OBI1: variants seen among roughly 807,000 people sequenced by gnomAD.
OBI1 encodes ring finger protein 219.
A neutral mutation model predicts 62.4 loss-of-function variants in OBI1; 59 were observed. The observed-to-expected ratio is 0.95, with a 90% confidence interval of 0.77 to 1.17. The LOEUF (loss-of-function observed/expected upper bound fraction) is 1.17, where lower values mean the gene tolerates loss of function less well. Among genes scored for constraint, OBI1 ranks in the 50% most tolerant of loss-of-function variants. The pLI is 0.00. For missense variants in OBI1, 875 were observed against 830.9 expected (o/e 1.05, Z -0.65); for synonymous variants, 302 against 292.8 (o/e 1.03, Z -0.32).
At chr13:78,617,184 G>A in intron 5 of OBI1, 62 bp from the exon 6 acceptor site, 1 of 1,318,206 alleles carries the variant, frequency 7.6e-7, no homozygotes, top group South Asian at 1.5e-5. Flanking sequence ...CAAGGTTTGA[G>A]AGTGCAAACT....
intron 1 of OBI1, among the ~76,000 whole-genome samples, chr13:78,652,523 G>A (rs1002545255): frequency 7.2e-5 from 11 of 152,162 alleles, no homozygotes; most frequent in African/African-American, 2.7e-4. Flanking sequence ...AATGGCAATG[G>A]TAAGTGACAT....
intron 5 of OBI1, among the ~76,000 whole-genome samples, chr13:78,622,292 A>T (rs993390956): frequency 6.6e-6 from 1 of 151,924 alleles, no homozygotes; most frequent in Non-Finnish European, 1.5e-5. Context: ...AAAAAAAAAT[A>T]TATATCAGGC....
At chr13:78,641,845 A>G (rs1182243985) in intron 3 of OBI1, among the ~76,000 whole-genome samples, 3 of 151,888 alleles carry the variant, frequency 2.0e-5, no homozygotes, top group Non-Finnish European at 2.9e-5. Context: ...AAAAAAAAAA[A>G]AAAAGAAAGA....
rs1875767945 is a variant in OBI1 at position 78,629,084 on chromosome 13, C to T, written c.638+6026G>A. 2.6e-5 allele frequency among the ~76,000 whole-genome samples: 4 copies of T among 152,112 alleles called. No homozygotes were observed. In the East Asian group the frequency reaches 7.8e-4, roughly 30 times the overall value. ...GAAGTCTATTCCTTCCTCTTCAGAA[C>T]ACTTCTTTTCATATCTTAATAACAG... On this transcript the variant is annotated intron_variant, in intron 5 of 5. Transcript: ENST00000282003.
At chr13:78,653,201 T>G (rs1249159118) in intron 1 of OBI1, among the ~76,000 whole-genome samples, 1 of 152,188 alleles carries the variant, frequency 6.6e-6, no homozygotes, top group Admixed American at 6.5e-5. Flanking sequence ...TACTAACATT[T>G]TGGACTGAAG....
intron 5 of OBI1, 135 bp downstream of exon 5, chr13:78,634,975 G>T: frequency 1.9e-6 from 1 of 520,552 alleles, no homozygotes; most frequent in Non-Finnish European, 3.4e-6. Flanking sequence ...GTATAAACTT[G>T]ACTTTTAAAG....
At chr13:78,626,859 G>A (rs1019592927) in intron 5 of OBI1, among the ~76,000 whole-genome samples, 5 of 152,188 alleles carry the variant, frequency 3.3e-5, no homozygotes, top group African/African-American at 4.8e-5. Context: ...GAGGTCAGGA[G>A]ATCGAGACCA....
intron 1 of OBI1, among the ~76,000 whole-genome samples, chr13:78,651,128 A>C (rs1876531503): frequency 6.6e-6 from 1 of 152,234 alleles, no homozygotes; most frequent in Non-Finnish European, 1.5e-5. Context: ...TACATCTCAG[A>C]ATAGTCAAAA....
At chr13:78,621,578 A>C (rs1186275619) in intron 5 of OBI1, among the ~76,000 whole-genome samples, 2 of 152,228 alleles carry the variant, frequency 1.3e-5, no homozygotes, top group African/African-American at 4.8e-5. Context: ...AGAAATAAAC[A>C]ATGATAACAT....
intron 3 of OBI1, among the ~76,000 whole-genome samples, chr13:78,640,202 A>G (rs2137454998): frequency 6.6e-6 from 1 of 151,922 alleles, no homozygotes; most frequent in East Asian, 1.9e-4. Flanking sequence ...AAAAAAAAAA[A>G]AGGTACAGTT....
At chr13:78,619,900 T>C (rs974568082) in intron 5 of OBI1, among the ~76,000 whole-genome samples, 29 of 152,320 alleles carry the variant, frequency 1.9e-4, no homozygotes, top group African/African-American at 6.7e-4. Context: ...TCCTTGGCCT[T>C]CTTTTTACAT....
intron 5 of OBI1, among the ~76,000 whole-genome samples, chr13:78,619,823 C>A (rs944964701): frequency 6.6e-6 from 1 of 152,196 alleles, no homozygotes; most frequent in African/African-American, 2.4e-5. Context: ...AAAAGTCATT[C>A]TCTTACTTTA....
chr13:78,651,523 G>T (rs1285691732), intron 1 of OBI1, among the ~76,000 whole-genome samples: 1 of 151,926 alleles, frequency 6.6e-6, no homozygotes, highest in African/African-American at 2.4e-5. Context: ...ATGAACACTG[G>T]GGGCTCCCTG....
Position 78,616,382 on chromosome 13 carries a change from G to T in OBI1, c.1379C>A (p.Ser460Tyr). The change falls in exon 6 of 6, where the codon TCT becomes TAT. Residue 460 changes from serine to tyrosine, a missense_variant. Transcript: ENST00000282003. ...GTCCCAAAATCCTGTCTTTGGGGAAGAAAAACATTCTGATTTCTTTTCATT... is the reference window on the plus strand; with the variant it reads ...GTCCCAAAATCCTGTCTTTGGGGAATAAAAACATTCTGATTTCTTTTCATT... ...SENEKKSECF[S>Y]SPKTGFWDCC... 6.2e-7 allele frequency: 1 copy of T among 1,613,230 alleles called. No individual in the cohort carries two copies. The highest frequency in any genetic ancestry group is 8.5e-7 in the Non-Finnish European group (1 of 1,179,612).
intron 1 of OBI1, among the ~76,000 whole-genome samples, chr13:78,646,017 T>A (rs1281418983): frequency 6.6e-6 from 1 of 152,176 alleles, no homozygotes; most frequent in Admixed American, 6.5e-5. Context: ...CCATCTCTTT[T>A]TTTAAAAATA....
At position 78,616,323 on chromosome 13, in the gene OBI1, A is replaced by G; in HGVS notation, c.1438T>C (p.Phe480Leu). ...ATCGTGTTCCCCTCTGAACTTTCAA[A>G]ATCTAAGTTTTGGGCATAGCTTGTG... ...CSTSYAQNLD[F>L]ESSEGNTIAN... Residue 480 changes from phenylalanine (F) to leucine (L), a missense_variant, in exon 6 of 6, where the codon TTT becomes CTT. Physicochemically the swap from Phe to Leu is conservative, Grantham distance 22. Transcript: ENST00000282003. 6.2e-7 allele frequency: 1 copy of G among 1,614,108 alleles called. No homozygotes were observed. Among genetic ancestry groups the G allele is most frequent in the Non-Finnish European group, 8.5e-7 (1 of 1,179,954 alleles).
At chr13:78,643,372 C>G (rs1226844844) in intron 2 of OBI1, among the ~76,000 whole-genome samples, 1 of 152,154 alleles carries the variant, frequency 6.6e-6, no homozygotes, top group Non-Finnish European at 1.5e-5. Flanking sequence ...AGAACCAGTC[C>G]TCTACCAGAC....
rs1876623808 is a variant in OBI1, at chr13:78,654,040, A to AC, written c.72+5008_72+5009insG. 5.3e-5 allele frequency among the ~76,000 whole-genome samples: 8 copies of AC among 151,312 alleles called. No homozygotes were observed. The South Asian group carries it at 1.7e-3, about 32-fold the overall frequency. ...TCCTATAACTTAAGGAAAAAAAAAA[A>AC]AAAAAAACCTGTGTGAAATAAGTCA... On this transcript the variant is annotated intron_variant, in intron 1 of 5. Transcript: ENST00000282003.
In OBI1 at chr13:78,644,994, G is replaced by A. The variant is rs777027410; in HGVS notation, c.76C>T (p.Arg26Cys). The change falls in exon 2 of 6, where the codon CGT (arginine) becomes TGT (cysteine). Residue 26 changes from arginine to cysteine, a missense_variant. Physicochemically the swap from Arg to Cys is radical, Grantham distance 180 (BLOSUM62 -3). Coordinates refer to ENST00000282003, the MANE Select transcript of OBI1 (RefSeq NM_024546.4). The part of the protein sequence containing the change: ...ITCHICLGKV[R>C]QPVICINNHV... The stretch of plus-strand genomic sequence containing the variant: ...TTGTTGATGCATATGACAGGCTGAC[G>A]TACCTTTGAAAAAAGAAATCACTTT... 6.2e-6 allele frequency: 10 copies of A among 1,606,982 alleles called. No individual in the cohort carries two copies. The highest frequency in any genetic ancestry group is 2.2e-5 in the East Asian group (1 of 44,818).
Sources: allele counts gnomAD v4.1 joint callset (sites outside exome capture counted in the v4.1 genomes callset), GRCh38; gene constraint gnomAD v4.1.1; transcripts MANE v1.5; gene names NCBI Gene and HGNC (gene_info 2026-07-23, HGNC 2026-07-21).